The following NID2 variants were observed in gnomAD, a reference collection of about 807,000 sequenced individuals.
NID2 encodes the protein nidogen 2.
NID2 carries 83 observed loss-of-function variants against 145.4 expected under a neutral mutation model. The observed-to-expected ratio is 0.57, with a 90% CI of 0.48 to 0.69. NID2 has a LOEUF of 0.69. Among genes scored for constraint, NID2 ranks in the 30% least tolerant of loss-of-function variants. The pLI is 0.00. For missense variants in NID2, 1,807 were observed against 1,765.7 expected (o/e 1.02, Z -0.42); for synonymous variants, 739 against 701.3 (o/e 1.05, Z -0.85).
chr14:52,053,435 C>A, intron 5 of NID2, 144 bp downstream of exon 5: 1 of 918,994 alleles, frequency 1.1e-6, no homozygotes, highest in South Asian at 1.7e-5. Flanking sequence ...TACTCTATCT[C>A]TTGAAACACA....
rs767192541 is a variant in NID2, at chr14:52,038,928, G to A, written c.2076C>T (p.Ile692=). ...SRDYSLTFGA[I]NQTWSYRIHQ... is the part of the protein sequence containing the mutation. ...GGATGCGGTAGGACCATGTTTGGTT[G>A]ATTGCACCAAAAGTCAGAGAGTAGT... Residue 692 remains isoleucine (I), a synonymous_variant, in exon 9 of 22, where the codon ATC becomes ATT. Coordinates refer to ENST00000216286, the MANE Select transcript of NID2 (RefSeq NM_007361.4). 1 of 1,613,930 alleles carries A rather than the reference G, an allele frequency of 6.2e-7. No homozygotes were observed. The highest frequency in any genetic ancestry group is 1.3e-5 in the African/African-American group (1 of 74,920).
rs140061923 is a variant in NID2, at chr14:52,022,434, C to T, written c.2675-2256G>A. On this transcript the variant is annotated intron_variant, in intron 12 of 21. Transcript: ENST00000216286. ...CACACCATGATAGAGACTAGAGTCC[C>T]GGGACCTGGGCATGCACAGGACATC... Among the ~76,000 whole-genome samples, 8 of 152,218 alleles carry T rather than the reference C, an allele frequency of 5.3e-5. No individual in the cohort carries two copies. In the South Asian group the frequency reaches 6.2e-4, roughly 12 times the overall value.
chr14:52,018,702 T>C (rs998883874), intron 14 of NID2, among the ~76,000 whole-genome samples: 2 of 152,252 alleles, frequency 1.3e-5, no homozygotes, highest in African/African-American at 4.8e-5. Context: ...GTTTTCCTTC[T>C]GGTCAAAACG....
intron 12 of NID2, among the ~76,000 whole-genome samples, chr14:52,025,667 G>A (rs1891563906): frequency 6.6e-6 from 1 of 152,186 alleles, no homozygotes. Flanking sequence ...ACATCACATG[G>A]TGAGGGGGCT....
chr14:52,006,479 G>GGT, intron 20 of NID2, 58 bp downstream of exon 20: 1 of 1,603,208 alleles, frequency 6.2e-7, no homozygotes, highest in Admixed American at 1.7e-5. Context: ...TAAAACAAGT[G>GGT]GTGTGTCCTC....
chr14:52,068,077 G>A lies in NID2; in HGVS notation c.315C>T (p.Ala105=), dbSNP rs758683973. 6.2e-7 allele frequency: 1 copy of A among 1,613,762 alleles called. No homozygotes were observed. ...CGATGTCCGCCAGAAAAGGGGCGAT[G>A]GCCGGGAAGTCGGTGGGGAAATCAT... ...VDYDFPTDFP[A]IAPFLADIDT... The change falls in exon 2 of 22, where the codon GCC becomes GCT. Residue 105 remains alanine (A), a synonymous_variant. Coordinates refer to ENST00000216286, the MANE Select transcript of NID2 (RefSeq NM_007361.4).
intron 14 of NID2, among the ~76,000 whole-genome samples, chr14:52,016,782 A>T (rs1243516145): frequency 6.6e-6 from 1 of 152,208 alleles, no homozygotes; most frequent in East Asian, 1.9e-4. Flanking sequence ...CTCCGTTCAA[A>T]ACCCTCCAGT....
rs138766558 is a variant in NID2 at position 52,054,296 on chromosome 14, C to T, written c.793G>A (p.Val265Met). ...YQLSNLGIPG[V>M]WAFHIGSTSP... Reference sequence around the variant, plus strand: ...GTGCTGCCGATATGGAAAGCCCACACTCCAGGGATCCCCAGGTTGCTTAGT... The same window carrying T: ...GTGCTGCCGATATGGAAAGCCCACATTCCAGGGATCCCCAGGTTGCTTAGT... Residue 265 changes from valine to methionine, a missense_variant, in exon 4 of 22, where the codon GTG becomes ATG. Coordinates refer to ENST00000216286, the MANE Select transcript of NID2 (RefSeq NM_007361.4). 4 of 1,613,098 alleles carry T rather than the reference C, an allele frequency of 2.5e-6. No individual in the cohort carries two copies. The highest frequency in any genetic ancestry group is 3.3e-5 in the Admixed American group (2 of 59,966).
At chr14:52,041,543 C>A (rs533182089) in intron 7 of NID2, among the ~76,000 whole-genome samples, 26 of 152,188 alleles carry the variant, frequency 1.7e-4, no homozygotes, top group Non-Finnish European at 2.6e-4. Flanking sequence ...GGTGGCCTTT[C>A]CAGCAACACT....
At chr14:52,023,526 A>G (rs1891475022) in intron 12 of NID2, among the ~76,000 whole-genome samples, 1 of 152,196 alleles carries the variant, frequency 6.6e-6, no homozygotes, top group Admixed American at 6.5e-5. Context: ...CCAAGAAAGA[A>G]TAATGTCAGT....
At chr14:52,030,585 A>AGG (rs1891807162) in intron 9 of NID2, among the ~76,000 whole-genome samples, 5 of 40,460 alleles carry the variant, frequency 1.2e-4, no homozygotes, top group African/African-American at 3.1e-4. Context: ...AGGGAAAGAA[A>AGG]GAAAGAAAGA....
At chr14:52,052,767 A>G (rs1446133078) in intron 5 of NID2, among the ~76,000 whole-genome samples, 3 of 152,204 alleles carry the variant, frequency 2.0e-5, no homozygotes, top group Non-Finnish European at 4.4e-5. Flanking sequence ...CTTTCTTCCT[A>G]TCAGAGGTCA....
intron 9 of NID2, among the ~76,000 whole-genome samples, chr14:52,031,680 C>T (rs758406173): frequency 6.6e-6 from 1 of 152,232 alleles, no homozygotes; most frequent in African/African-American, 2.4e-5. Context: ...TAGGCAGACA[C>T]TGGCAGTACC....
Position 52,028,710 on chromosome 14 carries a change from T to C in NID2, c.2530+12A>G, listed in dbSNP as rs770151135. 6.2e-7 allele frequency: 1 copy of C among 1,608,778 alleles called. No individual in the cohort carries two copies. Among genetic ancestry groups the C allele is most frequent in the Non-Finnish European group, 8.5e-7 (1 of 1,178,380 alleles). Reference sequence around the variant, plus strand: ...CATTTTGGCCACACAGGAAAATGATTTTGGAACTCACAGATGCAAGTATGC... The same window carrying C: ...CATTTTGGCCACACAGGAAAATGATCTTGGAACTCACAGATGCAAGTATGC... On this transcript the variant is annotated intron_variant, in intron 11 of 21. Coordinates refer to ENST00000216286, the MANE Select transcript of NID2 (RefSeq NM_007361.4).
chr14:52,046,341 A>AAAAAC lies in NID2; in HGVS notation c.1430-3411_1430-3410insGTTTT, dbSNP rs33978626. The stretch of plus-strand genomic sequence containing the variant: ...CCATCTCAAAAAAAAAAAAAAAAAA[A>AAAAAC]AGCCGTTTTCATAATATTCAGATAA... On this transcript the variant is annotated intron_variant, in intron 5 of 21. Transcript: ENST00000216286. Among the ~76,000 whole-genome samples, 3 of 123,170 alleles carry AAAAAC rather than the reference A, an allele frequency of 2.4e-5. 1 individual carries two copies. Among genetic ancestry groups the AAAAAC allele is most frequent in the Non-Finnish European group, 3.3e-5 (2 of 61,348 alleles). The allele number at this position is 123,170 out of a possible 152,430, so 80.8% of individuals were successfully genotyped here.
chr14:52,030,574 AAGGG>A, intron 9 of NID2, among the ~76,000 whole-genome samples: 1 of 36,678 alleles, frequency 2.7e-5, no homozygotes, highest in African/African-American at 9.1e-5. Flanking sequence ...GAAAGGAAGG[AAGGG>A]AAAGAAAGAA....
rs1744264885 is a variant in NID2 at position 52,053,750 on chromosome 14, T to A, written c.1258A>T (p.Ile420Phe). ...GGCCCTCCATCTGGGTAGGGCTGGA[T>A]GCTTCCGTTTTCGGGGTACGGTGGT... is the stretch of plus-strand genomic sequence containing the variant. Reference protein sequence around the residue: ...TPPPYPENGSIQPYPDGGPVP... With the variant: ...TPPPYPENGSFQPYPDGGPVP... Residue 420 changes from isoleucine to phenylalanine, a missense_variant, in exon 5 of 22, where the codon ATC becomes TTC. Ile to Phe is a conservative substitution (Grantham distance 21). Coordinates refer to ENST00000216286, the MANE Select transcript of NID2 (RefSeq NM_007361.4). 1.2e-6 allele frequency: 2 copies of A among 1,614,258 alleles called. No homozygotes were observed. The highest frequency in any genetic ancestry group is 8.5e-7 in the Non-Finnish European group (1 of 1,180,048).
intron 2 of NID2, 102 bp from the exon 3 acceptor site, chr14:52,060,458 C>T (rs947253069): frequency 9.8e-6 from 6 of 614,910 alleles, no homozygotes; most frequent in Non-Finnish European, 1.3e-5. Context: ...AGCATCATAA[C>T]GTGCAAAGAA....
intron 10 of NID2, 111 bp from the exon 11 acceptor site, chr14:52,028,961 GT>G: frequency 9.8e-7 from 1 of 1,020,408 alleles, no homozygotes; most frequent in Non-Finnish European, 1.4e-6. Context: ...GGGACAAATG[GT>G]TGGCAGATGT....
Sources: gnomAD v4.1 joint callset for allele counts (sites outside exome capture counted in the v4.1 genomes callset) on GRCh38, gnomAD v4.1.1 for gene constraint, MANE v1.5 for transcripts, NCBI Gene and HGNC (gene_info 2026-07-23, HGNC 2026-07-21) for gene names.